USP30: variants seen among roughly 807,000 people sequenced by gnomAD.
The protein encoded by USP30 is ubiquitin specific peptidase 30, also known as ubiquitin carboxyl-terminal hydrolase 30.
A neutral mutation model predicts 68.2 loss-of-function variants in USP30; 41 were observed. The ratio of observed to expected loss-of-function variants is 0.60; its 90% CI spans 0.47 to 0.78. USP30 has a LOEUF of 0.78. Among genes scored for constraint, USP30 ranks in the 30% least tolerant of loss-of-function variants. USP30 has a pLI of 0.00. For synonymous variants in USP30, 229 were observed against 253.7 expected (o/e 0.90, Z 0.93); for missense variants, 522 against 649.4 (o/e 0.80, Z 2.13).
At chr12:109,027,569 G>C (rs1158689252) in intron 3 of USP30, 1 of 152,158 alleles carries the variant, frequency 6.6e-6, no homozygotes. Context: ...GAGTGCCACA[G>C]TGCCAGGCCT....
At chr12:109,045,077 T>C (rs2040593524) in intron 3 of USP30, among the ~76,000 whole-genome samples, 1 of 146,698 alleles carries the variant, frequency 6.8e-6, no homozygotes, top group Admixed American at 6.9e-5. Context: ...TCCCGGGTTC[T>C]AAGCGATTCT....
chr12:109,065,061 A>T (rs867810655), intron 3 of USP30, among the ~76,000 whole-genome samples: 3 of 152,232 alleles, frequency 2.0e-5, no homozygotes, highest in Non-Finnish European at 4.4e-5. Flanking sequence ...GTAAAGGAAT[A>T]AAAGAATGGC....
At chr12:109,049,436 T>C (rs922202790), upstream of USP30, among the ~76,000 whole-genome samples, 1 of 152,214 alleles carries the variant, frequency 6.6e-6, no homozygotes, top group African/African-American at 2.4e-5. Flanking sequence ...TTTACCTGAA[T>C]GCTGTTTGTG....
chr12:109,080,202 C>A (rs1204031863), intron 7 of USP30, among the ~76,000 whole-genome samples: 2 of 152,144 alleles, frequency 1.3e-5, no homozygotes, highest in Non-Finnish European at 2.9e-5. Flanking sequence ...TGTCTCCTTT[C>A]TTCCTGGCAT....
At chr12:109,057,357 G>A (rs1441655870) in intron 2 of USP30, among the ~76,000 whole-genome samples, 1 of 151,894 alleles carries the variant, frequency 6.6e-6, no homozygotes, top group Non-Finnish European at 1.5e-5. Context: ...CTTTTTTTGT[G>A]TCTTTGAGAA....
intron 3 of USP30, among the ~76,000 whole-genome samples, chr12:109,042,363 A>G (rs1044611227): frequency 1.3e-5 from 2 of 152,202 alleles, no homozygotes; most frequent in East Asian, 1.9e-4. Context: ...TTCTTTTCCC[A>G]AAGGCAAGCA....
At chr12:109,080,562 C>G (rs2041767196) in intron 7 of USP30, among the ~76,000 whole-genome samples, 1 of 152,180 alleles carries the variant, frequency 6.6e-6, no homozygotes, top group Non-Finnish European at 1.5e-5. Context: ...CTAACATGAA[C>G]ATCTTTCCAC....
chr12:109,044,330 A>C (rs1490971646), intron 3 of USP30, among the ~76,000 whole-genome samples: 1 of 152,158 alleles, frequency 6.6e-6, no homozygotes, highest in Non-Finnish European at 1.5e-5. Context: ...TTTCAATACC[A>C]CTGAACTGCA....
upstream of USP30, among the ~76,000 whole-genome samples, chr12:109,051,405 C>T (rs1161659859): frequency 4.4e-4 from 66 of 149,474 alleles, no homozygotes; most frequent in Admixed American, 1.2e-3. Flanking sequence ...TACAGGCACG[C>T]GCCACCACAC....
At chr12:109,071,420 G>A (rs1205073020) in intron 4 of USP30, among the ~76,000 whole-genome samples, 192 bp from the exon 5 acceptor site, 2 of 152,168 alleles carry the variant, frequency 1.3e-5, no homozygotes, top group African/African-American at 4.8e-5. Context: ...TCTGCTCCTG[G>A]ACCTCTTGCT....
intron 3 of USP30, among the ~76,000 whole-genome samples, chr12:109,066,154 A>G (rs2041240420): frequency 6.6e-6 from 1 of 151,504 alleles, no homozygotes; most frequent in African/African-American, 2.4e-5. Context: ...CAGGAGGCCA[A>G]GATGGGAGGA....
At chr12:109,051,561 G>A (rs1276939811), upstream of USP30, among the ~76,000 whole-genome samples, 1 of 89,622 alleles carries the variant, frequency 1.1e-5, no homozygotes, top group Non-Finnish European at 2.0e-5. Context: ...ATGAGCCATC[G>A]CACCTGACCT....
At chr12:109,068,486 C>G (rs982858069) in intron 4 of USP30, among the ~76,000 whole-genome samples, 4 of 150,348 alleles carry the variant, frequency 2.7e-5, no homozygotes, top group Non-Finnish European at 5.9e-5. Flanking sequence ...CCACAGGTCA[C>G]TTTTTAGACA....
intron 7 of USP30, among the ~76,000 whole-genome samples, chr12:109,075,201 T>C (rs2041559634): frequency 6.6e-6 from 1 of 152,276 alleles, no homozygotes; most frequent in South Asian, 2.1e-4. Flanking sequence ...TCATTTCCTC[T>C]GGATATATAC....
rs890276011 is a variant in USP30, at chr12:109,087,295, A to G, written c.*1364A>G. The G allele has an allele frequency of 2.0e-5, 3 of 152,172 alleles. No individual in the cohort carries two copies. Among genetic ancestry groups the G allele is most frequent in the African/African-American group, 7.2e-5 (3 of 41,436 alleles). 9.4% of individuals were successfully genotyped at this position (152,172 alleles called of 1,614,324 possible). A position where few individuals can be genotyped will look rare whatever the true frequency, so the allele number is the denominator to read the frequency against. On this transcript the variant is annotated 3_prime_UTR_variant, in exon 13 of 13. Transcript: ENST00000257548. ...CCTTTCCAAAAGGTCATCTGAGGTA[A>G]GGCTAAGACCGCACTTCCTCTGCTG...
chr12:109,043,893 T>A (rs997811753), intron 3 of USP30, among the ~76,000 whole-genome samples: 5 of 152,176 alleles, frequency 3.3e-5, no homozygotes, highest in Non-Finnish European at 2.9e-5. Context: ...GAAAGCAGGA[T>A]CTTGAAGAGA....
At chr12:109,028,452 T>G (rs1037335306) in intron 3 of USP30, among the ~76,000 whole-genome samples, 1 of 125,844 alleles carries the variant, frequency 7.9e-6, no homozygotes, top group Admixed American at 7.3e-5. Flanking sequence ...TGCCACACCC[T>G]TTTTTTTTTC....
At chr12:109,081,621 GCGCACA>G (rs1273231430) in intron 8 of USP30, 550 of 544,882 alleles carry the variant, frequency 1.0e-3, no homozygotes, top group Non-Finnish European at 1.5e-3. Context: ...GCACGCATGC[GCGCACA>G]CACACACACA....
chr12:109,046,197 G>T (rs563598101), intron 3 of USP30, among the ~76,000 whole-genome samples: 2 of 147,172 alleles, frequency 1.4e-5, no homozygotes, highest in Admixed American at 1.4e-4. Flanking sequence ...GCCCCCCCGG[G>T]TTTAAGTGAT....
Sources: gnomAD v4.1 joint callset for allele counts (sites outside exome capture counted in the v4.1 genomes callset) on GRCh38, gnomAD v4.1.1 for gene constraint, MANE v1.5 for transcripts, NCBI Gene and HGNC (gene_info 2026-07-23, HGNC 2026-07-21) for gene names.